The following AKNAD1 variants were observed in gnomAD, a reference collection of about 807,000 sequenced individuals.
AKNAD1 encodes protein AKNAD1.
AKNAD1 carries 67 observed loss-of-function variants against 90.8 expected under a neutral mutation model. The observed-to-expected ratio is 0.74, with a 90% CI of 0.61 to 0.90. The LOEUF (loss-of-function observed/expected upper bound fraction) is 0.90, where lower values mean the gene tolerates loss of function less well. AKNAD1 is among the 40% of genes least tolerant of loss of function. The pLI is 0.00. For missense variants in AKNAD1, 957 were observed against 975.4 expected (o/e 0.98, Z 0.25); for synonymous variants, 327 against 341.4 (o/e 0.96, Z 0.46).
intron 5 of AKNAD1, among the ~76,000 whole-genome samples, chr1:108,843,512 C>T (rs779890237): frequency 2.6e-5 from 4 of 152,220 alleles, no homozygotes; most frequent in Non-Finnish European, 5.9e-5. Context: ...TGATTTCTCT[C>T]TCAGAACCCA....
intron 1 of AKNAD1, among the ~76,000 whole-genome samples, chr1:108,853,868 A>G (rs925502471): frequency 6.6e-6 from 1 of 152,010 alleles, no homozygotes; most frequent in African/African-American, 2.4e-5. Context: ...CCTGGGAGGC[A>G]GAGGTTGCAG....
intron 2 of AKNAD1, among the ~76,000 whole-genome samples, chr1:108,851,439 G>C (rs965276929): frequency 6.6e-6 from 1 of 152,140 alleles, no homozygotes; most frequent in Non-Finnish European, 1.5e-5. Context: ...GCCAAATTCC[G>C]GCTTGCGGAA....
chr1:108,825,612 CCT>C (rs1663971621), intron 11 of AKNAD1, among the ~76,000 whole-genome samples: 1 of 151,590 alleles, frequency 6.6e-6, no homozygotes, highest in South Asian at 2.1e-4. Context: ...GAAAATCCCC[CCT>C]CATTGGAGAA....
chr1:108,851,650 T>C, intron 2 of AKNAD1, 22 bp downstream of exon 2: 3 of 1,557,142 alleles, frequency 1.9e-6, no homozygotes, highest in Non-Finnish European at 2.6e-6. Context: ...TTAATGTGTT[T>C]ACAGGAGACT....
At chr1:108,832,734 A>G (rs1446846416) in intron 9 of AKNAD1, among the ~76,000 whole-genome samples, 1 of 152,234 alleles carries the variant, frequency 6.6e-6, no homozygotes, top group Non-Finnish European at 1.5e-5. Context: ...GCCAAGAAAC[A>G]TATGAAAATA....
chr1:108,836,687 C>G (rs1236912396), intron 7 of AKNAD1: 1 of 152,140 alleles, frequency 6.6e-6, no homozygotes, highest in Non-Finnish European at 1.5e-5. Context: ...AATATCAGCC[C>G]CAGGCTGTGT....
chr1:108,819,751 A>AT (rs1042580652), intron 14 of AKNAD1, among the ~76,000 whole-genome samples: 39 of 105,394 alleles, frequency 3.7e-4, no homozygotes, highest in South Asian at 6.8e-4. Context: ...GTCTCTACAA[A>AT]TTTTTTTTTT....
chr1:108,825,912 C>T (rs550952462), intron 11 of AKNAD1, among the ~76,000 whole-genome samples: 5 of 151,612 alleles, frequency 3.3e-5, no homozygotes, highest in African/African-American at 9.7e-5. Context: ...CATCATTTTA[C>T]GTTTTGGCAA....
intron 6 of AKNAD1, among the ~76,000 whole-genome samples, chr1:108,841,097 T>G (rs1210675745): frequency 8.6e-5 from 13 of 151,948 alleles, no homozygotes; most frequent in Non-Finnish European, 1.6e-4. Flanking sequence ...CGCTTGAACC[T>G]GGGAGGTGGA....
chr1:108,837,076 T>TA (rs1664407106), intron 7 of AKNAD1: 1 of 152,766 alleles, frequency 6.5e-6, no homozygotes, highest in Admixed American at 6.5e-5. Context: ...ACCAAAAATA[T>TA]AAAAAATTAG....
At chr1:108,821,842 T>TC (rs34659604) in intron 13 of AKNAD1, among the ~76,000 whole-genome samples, 44,002 of 151,444 alleles carry the variant, frequency 0.29, 7,111 homozygotes, top group East Asian at 0.7. Flanking sequence ...CCCTTCCCTT[T>TC]CCCTCTTCTT....
chr1:108,845,501 T>A (rs1664676737), intron 5 of AKNAD1, among the ~76,000 whole-genome samples: 2 of 152,200 alleles, frequency 1.3e-5, no homozygotes. Flanking sequence ...AAAGGGGAGC[T>A]CCCCACGGGT....
At chr1:108,850,034 T>C (rs1256997041) in intron 2 of AKNAD1, among the ~76,000 whole-genome samples, 1 of 152,158 alleles carries the variant, frequency 6.6e-6, no homozygotes, top group Non-Finnish European at 1.5e-5. Flanking sequence ...GTGCTGTCAC[T>C]AACACAAAAC....
intron 6 of AKNAD1, among the ~76,000 whole-genome samples, chr1:108,838,714 G>T (rs557275795): frequency 6.6e-6 from 1 of 151,896 alleles, no homozygotes; most frequent in African/African-American, 2.4e-5. Flanking sequence ...ATAACATTAA[G>T]AATGAGAAAG....
At chr1:108,838,171 CAA>C (rs1664439793) in intron 6 of AKNAD1, among the ~76,000 whole-genome samples, 2 of 152,048 alleles carry the variant, frequency 1.3e-5, no homozygotes, top group Non-Finnish European at 2.9e-5. Context: ...TTTTACCCAA[CAA>C]AGAGAATCCA....
intron 5 of AKNAD1, among the ~76,000 whole-genome samples, chr1:108,843,957 C>T (rs2101203438): frequency 6.6e-6 from 1 of 152,290 alleles, no homozygotes; most frequent in African/African-American, 2.4e-5. Context: ...ATTCCCTGAG[C>T]ACTTTCTATT....
At chr1:108,828,087 A>AAAAC (rs71069603) in intron 10 of AKNAD1, among the ~76,000 whole-genome samples, 2,644 of 148,884 alleles carry the variant, frequency 0.018, 61 homozygotes, top group Middle Eastern at 0.035. Flanking sequence ...CCTCATCTCA[A>AAAAC]AAACAAACAA....
intron 2 of AKNAD1, among the ~76,000 whole-genome samples, chr1:108,851,410 C>T (rs189754660): frequency 1.3e-5 from 2 of 152,222 alleles, no homozygotes; most frequent in Admixed American, 1.3e-4. Context: ...AGGAAGGCAG[C>T]TAAGTTTAAG....
At chr1:108,823,321 G>A in intron 13 of AKNAD1, 49 bp downstream of exon 13, 1 of 1,383,070 alleles carries the variant, frequency 7.2e-7, no homozygotes, top group Non-Finnish European at 1.0e-6. Context: ...CCCATACCTG[G>A]GACATTAGGT....
Sources: allele counts gnomAD v4.1 joint callset (sites outside exome capture counted in the v4.1 genomes callset), GRCh38; gene constraint gnomAD v4.1.1; transcripts MANE v1.5; gene names NCBI Gene and HGNC (gene_info 2026-07-23, HGNC 2026-07-21).